Variants in NRXN3 observed in about 807,000 individuals in gnomAD.
The protein encoded by NRXN3 is neurexin 3.
In NRXN3, 32 loss-of-function variants were observed where a neutral mutation model predicts 137.6. That is an observed-to-expected ratio of 0.23 (90% CI 0.18 to 0.31). NRXN3 has a LOEUF of 0.31. Ranked by LOEUF, NRXN3 falls within the 10% of genes least tolerant of loss-of-function variation. NRXN3 has a pLI of 1.00. For missense variants in NRXN3, 1,574 were observed against 2,062.5 expected, an observed-to-expected ratio of 0.76 and a Z score of 4.59; for synonymous variants, 798 against 784.5, an observed-to-expected ratio of 1.02 and a Z score of -0.29.
At chr14:79,410,992 A>G (rs1197539253) in intron 15 of NRXN3, among the ~76,000 whole-genome samples, 1 of 152,092 alleles carries the variant, frequency 6.6e-6, no homozygotes, top group African/African-American at 2.4e-5. Flanking sequence ...AAGTGCATTT[A>G]CTCAGGGCTA....
chr14:79,220,473 T>C (rs1419469851), intron 15 of NRXN3, among the ~76,000 whole-genome samples: 1 of 152,098 alleles, frequency 6.6e-6, no homozygotes, highest in Non-Finnish European at 1.5e-5. Flanking sequence ...TCACCCAAAG[T>C]ACATAGTTTA....
intron 20 of NRXN3, among the ~76,000 whole-genome samples, chr14:79,811,178 A>G (rs1206659771): frequency 1.3e-5 from 2 of 152,236 alleles, no homozygotes. Context: ...TGACAGATCT[A>G]TAAATTCAAT....
At chr14:79,398,836 C>A (rs1364014900) in intron 15 of NRXN3, among the ~76,000 whole-genome samples, 1 of 151,644 alleles carries the variant, frequency 6.6e-6, no homozygotes, top group East Asian at 1.9e-4. Flanking sequence ...ATGGTGAAAC[C>A]CTGTCTCTAC....
chr14:79,107,801 CTG>C (rs2052722828), intron 15 of NRXN3, among the ~76,000 whole-genome samples: 1 of 151,990 alleles, frequency 6.6e-6, no homozygotes, highest in Non-Finnish European at 1.5e-5. Context: ...ATGGAGAAGA[CTG>C]GGGTAGAAAC....
At chr14:78,254,678 CAAAA>C (rs36116506) in intron 2 of NRXN3, among the ~76,000 whole-genome samples, 1 of 122,172 alleles carries the variant, frequency 8.2e-6, no homozygotes, top group Non-Finnish European at 1.7e-5. Flanking sequence ...ACTCCATCTC[CAAAA>C]AAAAAAAAAA....
intron 19 of NRXN3, among the ~76,000 whole-genome samples, chr14:79,753,139 A>G (rs1254884130): frequency 6.6e-6 from 1 of 151,272 alleles, no homozygotes; most frequent in East Asian, 1.9e-4. Context: ...AAACTAGTTC[A>G]ACCATTGTGG....
At chr14:79,804,874 C>G (rs1445648314) in intron 19 of NRXN3, among the ~76,000 whole-genome samples, 1 of 152,114 alleles carries the variant, frequency 6.6e-6, no homozygotes, top group Non-Finnish European at 1.5e-5. Context: ...CTGGAACCAT[C>G]TTGGGTCACT....
chr14:79,664,296 G>A (rs1426112419), intron 17 of NRXN3, among the ~76,000 whole-genome samples: 1 of 152,098 alleles, frequency 6.6e-6, no homozygotes, highest in African/African-American at 2.4e-5. Flanking sequence ...ATAATCATAA[G>A]ATGCTCCATT....
At chr14:78,906,401 T>A (rs1014158997) in intron 10 of NRXN3, among the ~76,000 whole-genome samples, 6 of 152,076 alleles carry the variant, frequency 3.9e-5, no homozygotes, top group Non-Finnish European at 8.8e-5. Flanking sequence ...CCCTTCCCAA[T>A]AGTTTTCTCT....
chr14:78,479,560 CT>C lies in NRXN3; in HGVS notation c.758-165558del, dbSNP rs1567708328. Among the ~76,000 whole-genome samples, 7 of 152,304 alleles carry C rather than the reference CT, an allele frequency of 4.6e-5. No homozygotes were observed. The East Asian group carries it at 1.2e-3, about 25-fold the overall frequency. ...TCGTAAGGTTTGTCCCCAGAACATA[CT>C]TATTAAAATGCAGATTCTGGGCACC... is the stretch of plus-strand genomic sequence containing the variant. On this transcript the variant is annotated intron_variant, in intron 4 of 20. Coordinates refer to ENST00000335750, the MANE Select transcript of NRXN3 (RefSeq NM_001330195.2).
chr14:78,941,121 C>T (rs1020889995), intron 10 of NRXN3, among the ~76,000 whole-genome samples: 1 of 152,098 alleles, frequency 6.6e-6, no homozygotes, highest in African/African-American at 2.4e-5. Context: ...ATGTCTAGGC[C>T]TTGGACTAGA....
chr14:78,352,617 C>T (rs1314691049), intron 4 of NRXN3, among the ~76,000 whole-genome samples: 1 of 152,166 alleles, frequency 6.6e-6, no homozygotes, highest in African/African-American at 2.4e-5. Context: ...TTTGTGCGGA[C>T]ATCAGGGCAC....
chr14:79,209,686 G>A (rs1012854402), intron 15 of NRXN3, among the ~76,000 whole-genome samples: 1 of 152,096 alleles, frequency 6.6e-6, no homozygotes, highest in African/African-American at 2.4e-5. Flanking sequence ...GTATGCTTCT[G>A]GGAGTCAGGA....
At chr14:78,385,795 CTT>C (rs1185083221) in intron 4 of NRXN3, among the ~76,000 whole-genome samples, 7 of 152,170 alleles carry the variant, frequency 4.6e-5, no homozygotes, top group Non-Finnish European at 8.8e-5. Context: ...GTAAGACACT[CTT>C]TATTCCTCCA....
At chr14:79,388,810 G>T (rs551604533) in intron 15 of NRXN3, among the ~76,000 whole-genome samples, 2 of 152,112 alleles carry the variant, frequency 1.3e-5, no homozygotes, top group African/African-American at 4.8e-5. Flanking sequence ...CATAATGCCC[G>T]AATGTTGTAG....
intron 4 of NRXN3, among the ~76,000 whole-genome samples, chr14:78,643,715 C>G (rs1566959036): frequency 6.6e-6 from 1 of 152,148 alleles, no homozygotes. Flanking sequence ...TTGGCTTTGT[C>G]CTATATCATG....
intron 4 of NRXN3, among the ~76,000 whole-genome samples, chr14:78,357,990 CAG>C (rs916174470): frequency 1.3e-5 from 2 of 152,086 alleles, no homozygotes; most frequent in South Asian, 2.1e-4. Context: ...AGAAAGGCTG[CAG>C]AGAGAGAGAG....
chr14:78,890,329 A>G (rs1202437920), intron 10 of NRXN3, among the ~76,000 whole-genome samples: 5 of 152,008 alleles, frequency 3.3e-5, no homozygotes, highest in Admixed American at 3.3e-4. Flanking sequence ...CAGTCAGTCC[A>G]GAAGCACTGA....
At chr14:78,920,160 GT>G (rs1340249020) in intron 10 of NRXN3, among the ~76,000 whole-genome samples, 3 of 151,950 alleles carry the variant, frequency 2.0e-5, no homozygotes, top group African/African-American at 7.3e-5. Context: ...GTCTCATGTC[GT>G]CCCCACTCAG....
Sources: gnomAD v4.1 joint callset for allele counts (sites outside exome capture counted in the v4.1 genomes callset) on GRCh38, gnomAD v4.1.1 for gene constraint, MANE v1.5 for transcripts, NCBI Gene and HGNC (gene_info 2026-07-23, HGNC 2026-07-21) for gene names.